The following HERC6 variants were observed in gnomAD, a reference collection of about 807,000 sequenced individuals.
HERC6 encodes the protein HECT and RLD domain containing E3 ubiquitin protein ligase family member 6.
A neutral mutation model predicts 114.5 loss-of-function variants in HERC6; 101 were observed. The observed-to-expected ratio is 0.88, with a 90% CI of 0.75 to 1.04. The LOEUF (loss-of-function observed/expected upper bound fraction) is 1.04, where lower values mean the gene tolerates loss of function less well. Ranked by LOEUF, HERC6 falls within the 50% of genes least tolerant of loss-of-function variation. The pLI, the probability that HERC6 is intolerant of heterozygous loss-of-function variation, is 0.00. For synonymous variants in HERC6, 408 were observed against 436.2 expected, an observed-to-expected ratio of 0.94 and a Z score of 0.81; for missense variants, 1,133 against 1,230.9, an observed-to-expected ratio of 0.92 and a Z score of 1.19.
intron 18 of HERC6, among the ~76,000 whole-genome samples, chr4:88,436,338 TA>T (rs1252552155): frequency 6.6e-6 from 1 of 152,204 alleles, no homozygotes; most frequent in East Asian, 1.9e-4. Flanking sequence ...TGACACTTGT[TA>T]AAAAGTTTTT....
chr4:88,407,050 C>T (rs1477541470), intron 10 of HERC6, among the ~76,000 whole-genome samples: 8 of 148,760 alleles, frequency 5.4e-5, no homozygotes, highest in South Asian at 4.3e-4. Context: ...TGAGCCACCG[C>T]GCCCAGCCTC....
intron 11 of HERC6, among the ~76,000 whole-genome samples, chr4:88,410,525 T>A (rs1303332425): frequency 6.6e-6 from 1 of 152,164 alleles, no homozygotes; most frequent in African/African-American, 2.4e-5. Context: ...GAAATCTCTC[T>A]GGGGTCTCTT....
At chr4:88,393,243 C>T (rs1735014476) in intron 4 of HERC6, among the ~76,000 whole-genome samples, 1 of 151,278 alleles carries the variant, frequency 6.6e-6, no homozygotes, top group Admixed American at 6.6e-5. Context: ...GGATTGTTTA[C>T]TTTTAAAATT....
At chr4:88,417,722 T>C in intron 13 of HERC6, 143 bp downstream of exon 13, 1 of 653,648 alleles carries the variant, frequency 1.5e-6, no homozygotes, top group Non-Finnish European at 2.4e-6. Context: ...AGGGAAATGT[T>C]TGGCATAAAA....
chr4:88,420,399 TTG>T (rs1736913157), intron 13 of HERC6, among the ~76,000 whole-genome samples: 2 of 152,328 alleles, frequency 1.3e-5, no homozygotes, highest in African/African-American at 4.8e-5. Flanking sequence ...GGGCTTTTGA[TTG>T]TGTCTTTGAC....
intron 8 of HERC6, among the ~76,000 whole-genome samples, chr4:88,400,664 C>G (rs994300276): frequency 1.3e-5 from 2 of 152,186 alleles, no homozygotes; most frequent in Non-Finnish European, 2.9e-5. Flanking sequence ...CACTTCATCC[C>G]TTCATCACAA....
At chr4:88,392,284 C>T (rs1421489966) in intron 4 of HERC6, among the ~76,000 whole-genome samples, 1 of 149,994 alleles carries the variant, frequency 6.7e-6, no homozygotes, top group Non-Finnish European at 1.5e-5. Flanking sequence ...TAGCTGGGCT[C>T]ACAGGCACAC....
chr4:88,413,093 A>G lies in HERC6; in HGVS notation c.1385A>G (p.Glu462Gly), dbSNP rs1348262058. 3.7e-6 allele frequency: 6 copies of G among 1,608,696 alleles called. No individual in the cohort carries two copies. The African/African-American group carries it at 6.7e-5, about 18-fold the overall frequency. Reference protein sequence around the residue: ...WISSMITTCLEDDLLRALPCH... With the variant: ...WISSMITTCLGDDLLRALPCH... ...TTACCACAGATAACTACGTGTCTCG[A>G]GGATGATCTGCTCAGAGCTCTTCCA... Residue 462 changes from glutamate to glycine, a missense_variant, in exon 12 of 23, where the codon GAG becomes GGG. Physicochemically the swap from Glu to Gly is moderately conservative, Grantham distance 98. Transcript: ENST00000264346.
chr4:88,393,840 T>G (rs1735053355), intron 5 of HERC6, among the ~76,000 whole-genome samples: 1 of 152,202 alleles, frequency 6.6e-6, no homozygotes, highest in Non-Finnish European at 1.5e-5. Flanking sequence ...ATATTTTCAC[T>G]GTGTCCTCAC....
chr4:88,384,767 C>T lies in HERC6; in HGVS notation c.360-732C>T, dbSNP rs563843635. On this transcript the variant is annotated intron_variant, in intron 2 of 22. Transcript: ENST00000264346. ...AGGTGCAGTGGCTCACACCTGTAAT[C>T]CCAGCACTTTGGCAGGCCAAGGTGG... 9.2e-5 allele frequency among the ~76,000 whole-genome samples: 14 copies of T among 152,270 alleles called. No homozygotes were observed. The South Asian group carries it at 2.9e-3, about 32-fold the overall frequency.
chr4:88,390,922 T>G (rs372663716), intron 4 of HERC6, 43 bp downstream of exon 4: 28 of 1,521,686 alleles, frequency 1.8e-5, no homozygotes, highest in Admixed American at 6.1e-5. Flanking sequence ...ATTCTTTCTT[T>G]CCAGGTGGAA....
chr4:88,379,912 T>C (rs1257929036), intron 1 of HERC6, among the ~76,000 whole-genome samples: 5 of 19,918 alleles, frequency 2.5e-4, no homozygotes, highest in Admixed American at 1.3e-3. Flanking sequence ...ATATATATAA[T>C]ATATAAATAT....
At chr4:88,438,406 T>G (rs1738985648) in intron 20 of HERC6, among the ~76,000 whole-genome samples, 1 of 152,056 alleles carries the variant, frequency 6.6e-6, no homozygotes, top group Non-Finnish European at 1.5e-5. Flanking sequence ...AATACACAAA[T>G]GAATCATTAT....
chr4:88,416,619 TTA>T (rs1277612906), intron 12 of HERC6, among the ~76,000 whole-genome samples: 1 of 152,052 alleles, frequency 6.6e-6, no homozygotes, highest in African/African-American at 2.4e-5. Context: ...TATTTTATTT[TTA>T]TATTTAAATA....
chr4:88,405,740 TAG>T, intron 10 of HERC6, 127 bp downstream of exon 10: 3 of 433,512 alleles, frequency 6.9e-6, no homozygotes, highest in Non-Finnish European at 1.2e-5. Context: ...GAGAACTCTG[TAG>T]GTTGTTATAG....
Position 88,403,452 on chromosome 4 carries a change from T to C in HERC6, c.1093-1424T>C, listed in dbSNP as rs141429607. On this transcript the variant is annotated intron_variant, in intron 8 of 22. Transcript: ENST00000264346. ...CAAAGCTTTTTATACTTACTATAAT[T>C]GAATCTTAAGAACCCAGATAGGCCG... Among the ~76,000 whole-genome samples the C allele has an allele frequency of 2.2e-4, 34 of 152,288 alleles. 1 individual carries two copies. The East Asian group carries it at 5.8e-3, about 26-fold the overall frequency.
chr4:88,397,612 C>A (rs369867573), intron 7 of HERC6, among the ~76,000 whole-genome samples: 3 of 151,484 alleles, frequency 2.0e-5, no homozygotes, highest in East Asian at 2.0e-4. Context: ...CAGGAGAACC[C>A]CTTGAACCAA....
chr4:88,379,256 G>C (rs1465790209), intron 1 of HERC6, 136 bp downstream of exon 1: 6 of 691,672 alleles, frequency 8.7e-6, no homozygotes, highest in East Asian at 6.2e-5. Flanking sequence ...TGCAGGGAGC[G>C]GCTCAGATGC....
At chr4:88,394,595 A>G (rs1298583494) in intron 5 of HERC6, among the ~76,000 whole-genome samples, 1 of 150,330 alleles carries the variant, frequency 6.7e-6, no homozygotes, top group African/African-American at 2.4e-5. Flanking sequence ...CCCAGGCTGG[A>G]GTGCAGTGGT....
Sources: allele counts gnomAD v4.1 joint callset (sites outside exome capture counted in the v4.1 genomes callset), GRCh38; gene constraint gnomAD v4.1.1; transcripts MANE v1.5; gene names NCBI Gene and HGNC (gene_info 2026-07-23, HGNC 2026-07-21).